Variants in MPP7 observed in about 807,000 individuals in gnomAD.
MPP7 encodes MAGUK p55 subfamily member 7.
Under a neutral mutation model 76.5 loss-of-function variants are expected in MPP7, and 60 were observed. That is an observed-to-expected ratio of 0.78 (90% CI 0.64 to 0.97). The LOEUF (loss-of-function observed/expected upper bound fraction) is 0.97. MPP7 is among the 50% of genes least tolerant of loss of function. MPP7 has a pLI of 0.00. For missense variants in MPP7, 641 were observed against 694.0 expected (o/e 0.92, Z 0.86); for synonymous variants, 237 against 244.5 (o/e 0.97, Z 0.29).
chr10:28,061,086 AG>A (rs1851766226), intron 13 of MPP7, among the ~76,000 whole-genome samples: 1 of 152,198 alleles, frequency 6.6e-6, no homozygotes, highest in Non-Finnish European at 1.5e-5. Flanking sequence ...AACAAGACCT[AG>A]TGTTAATACA....
intron 16 of MPP7, among the ~76,000 whole-genome samples, chr10:28,054,783 TCTC>T (rs1312612360): frequency 1.3e-5 from 2 of 152,124 alleles, no homozygotes; most frequent in South Asian, 2.1e-4. Flanking sequence ...TCCTAGCAAT[TCTC>T]CTGCCTCAGC....
intron 2 of MPP7, chr10:28,236,660 AAAG>A (rs1588964552): frequency 5.3e-5 from 8 of 152,054 alleles, no homozygotes; most frequent in Non-Finnish European, 1.0e-4. Context: ...GCAAGAAGGG[AAAG>A]AAGAAGTGGT....
At chr10:28,215,339 G>GA (rs140707145) in intron 2 of MPP7, among the ~76,000 whole-genome samples, 15,838 of 148,708 alleles carry the variant, frequency 0.11, 1,283 homozygotes, top group East Asian at 0.41. Context: ...AAGAAGGGAG[G>GA]AAAAAAAAAA....
chr10:28,274,848 T>C (rs1840442313), intron 1 of MPP7, among the ~76,000 whole-genome samples: 1 of 152,148 alleles, frequency 6.6e-6, no homozygotes, highest in South Asian at 2.1e-4. Flanking sequence ...TGAGCAAAAA[T>C]AAGCTACTCT....
chr10:28,305,223 G>C (rs190001895), upstream of MPP7, among the ~76,000 whole-genome samples: 2 of 152,342 alleles, frequency 1.3e-5, no homozygotes, highest in South Asian at 2.1e-4. Flanking sequence ...GGAACAGAGA[G>C]AAAGCCAGCA....
chr10:28,172,325 A>T (rs1366949748), intron 3 of MPP7, among the ~76,000 whole-genome samples: 1 of 152,230 alleles, frequency 6.6e-6, no homozygotes, highest in Non-Finnish European at 1.5e-5. Flanking sequence ...GTACGAAAAA[A>T]TCTTAAAAAC....
intron 11 of MPP7, among the ~76,000 whole-genome samples, chr10:28,109,935 T>C (rs1429355825): frequency 7.5e-6 from 1 of 134,160 alleles, no homozygotes; most frequent in East Asian, 2.1e-4. Context: ...CTCTTAAACA[T>C]AAAACAGTTT....
chr10:28,127,511 G>T (rs576356248), intron 6 of MPP7, among the ~76,000 whole-genome samples: 1 of 152,278 alleles, frequency 6.6e-6, no homozygotes, highest in South Asian at 2.1e-4. Context: ...AATCATGGTG[G>T]AAGGCAAGGA....
chr10:28,266,546 G>A (rs943629325), intron 1 of MPP7, among the ~76,000 whole-genome samples: 3 of 151,904 alleles, frequency 2.0e-5, no homozygotes, highest in Non-Finnish European at 4.4e-5. Context: ...CTCCAGCCTG[G>A]GTGACAGAGT....
intron 2 of MPP7, among the ~76,000 whole-genome samples, chr10:28,324,714 AAAAACTGATGAGCATAGATGT>A (rs1834396303): frequency 6.6e-6 from 1 of 152,246 alleles, no homozygotes; most frequent in South Asian, 2.1e-4. Flanking sequence ...CATGACTTTG[AAAAACTGATGAGCATAGATGT>A]AATTAATTTT....
intron 2 of MPP7, among the ~76,000 whole-genome samples, chr10:28,325,343 C>T (rs890119778): frequency 6.6e-6 from 1 of 152,014 alleles, no homozygotes; most frequent in African/African-American, 2.4e-5. Flanking sequence ...TAAGGAATAA[C>T]TTGTACTGAT....
intron 1 of MPP7, among the ~76,000 whole-genome samples, chr10:28,265,974 T>C (rs949811473): frequency 1.3e-5 from 2 of 152,034 alleles, no homozygotes; most frequent in Admixed American, 6.6e-5. Context: ...TGTTCTGTTT[T>C]GTTTTGTTTT....
At chr10:28,145,534 C>G (rs1013325445) in intron 5 of MPP7, among the ~76,000 whole-genome samples, 2 of 152,026 alleles carry the variant, frequency 1.3e-5, no homozygotes, top group Non-Finnish European at 2.9e-5. Context: ...GGGGGCTTAA[C>G]TTGTTAAAGT....
chr10:28,154,209 C>A (rs1473581332), intron 3 of MPP7, among the ~76,000 whole-genome samples: 1 of 152,164 alleles, frequency 6.6e-6, no homozygotes, highest in African/African-American at 2.4e-5. Context: ...TTTGTTCCTA[C>A]CTAATCCCAG....
At chr10:28,229,370 T>C (rs1357348650) in intron 2 of MPP7, among the ~76,000 whole-genome samples, 1 of 152,248 alleles carries the variant, frequency 6.6e-6, no homozygotes, top group African/African-American at 2.4e-5. Flanking sequence ...CCTAGCGTTA[T>C]GTGCTTGGTA....
Position 28,270,253 on chromosome 10 carries a change from A to T in MPP7, c.-131-31518T>A, listed in dbSNP as rs181115250. Among the ~76,000 whole-genome samples, 275 of 152,336 alleles carry T rather than the reference A, an allele frequency of 1.8e-3. 4 individuals carry two copies. The highest frequency in any genetic ancestry group is 0.017 in the Admixed American group (255 of 15,300). ...CAAATCTCAGCAGAGAGAATTGCTG[A>T]CTATGCTTTCATTCAGCAAAACATC... On this transcript the variant is annotated intron_variant, in intron 1 of 16. Transcript: ENST00000683449.
intron 2 of MPP7, among the ~76,000 whole-genome samples, chr10:28,209,640 T>C (rs1838066848): frequency 6.6e-6 from 1 of 152,204 alleles, no homozygotes; most frequent in Non-Finnish European, 1.5e-5. Context: ...AGGGAAATAC[T>C]ATTACATCAA....
chr10:28,189,231 A>T (rs1182940537), intron 3 of MPP7, among the ~76,000 whole-genome samples: 1 of 152,132 alleles, frequency 6.6e-6, no homozygotes, highest in Non-Finnish European at 1.5e-5. Context: ...CTCTGTTATA[A>T]GGTACCTGTA....
Position 28,332,593 on chromosome 10 carries a change from A to T in MPP7, c.-206+1825T>A, listed in dbSNP as rs550257146. 1.4e-4 allele frequency among the ~76,000 whole-genome samples: 21 copies of T among 152,272 alleles called. No homozygotes were observed. In the South Asian group the frequency reaches 1.9e-3, roughly 14 times the overall value. On this transcript the variant is annotated intron_variant, in intron 1 of 11. Transcript: ENST00000441595. The stretch of plus-strand genomic sequence containing the variant: ...AAAATCAACAGGTTTTGAGCACTTA[A>T]ATTGTAGCACTTACTCTCCAATATG...
Sources: allele counts gnomAD v4.1 joint callset (sites outside exome capture counted in the v4.1 genomes callset), GRCh38; gene constraint gnomAD v4.1.1; transcripts MANE v1.5; gene names NCBI Gene and HGNC (gene_info 2026-07-23, HGNC 2026-07-21).